Variants in RBPJ observed in about 807,000 individuals in gnomAD.
RBPJ encodes recombining binding protein suppressor of hairless.
A neutral mutation model predicts 67.8 loss-of-function variants in RBPJ; 9 were observed. That is an observed-to-expected ratio of 0.13 (90% CI 0.08 to 0.23). RBPJ has a LOEUF of 0.23. Among genes scored for constraint, RBPJ ranks in the 10% least tolerant of loss-of-function variants. The probability of loss-of-function intolerance (pLI) is 1.00; values close to 1 mark genes in which losing one functional copy is unlikely to be tolerated. For synonymous variants in RBPJ, 198 were observed against 203.3 expected (o/e 0.97, Z 0.22); for missense variants, 305 against 595.6 (o/e 0.51, Z 5.08).
upstream of RBPJ, among the ~76,000 whole-genome samples, chr4:26,158,945 T>TTCTCTCTCTCTCTCTCTCTC (rs5856933): frequency 2.8e-4 from 39 of 136,842 alleles, no homozygotes; most frequent in East Asian, 1.1e-3. Context: ...CTCTCTCTCT[T>TTCTCTCTCTCTCTCTCTCTC]TCTCTCTCTC....
At chr4:26,180,694 A>T (rs1232898869) in intron 1 of RBPJ, among the ~76,000 whole-genome samples, 1 of 152,214 alleles carries the variant, frequency 6.6e-6, no homozygotes, top group Non-Finnish European at 1.5e-5. Context: ...CAATGCATGA[A>T]TCTGGGGGGG....
chr4:26,361,892 T>C (rs1190778677), intron 1 of RBPJ, among the ~76,000 whole-genome samples: 1 of 152,208 alleles, frequency 6.6e-6, no homozygotes, highest in Non-Finnish European at 1.5e-5. Flanking sequence ...AATCAGAGAA[T>C]GGCGGTAAAA....
intron 1 of RBPJ, among the ~76,000 whole-genome samples, chr4:26,256,242 C>T (rs1720340234): frequency 6.6e-6 from 1 of 151,758 alleles, no homozygotes; most frequent in South Asian, 2.1e-4. Context: ...CACAGCCCCA[C>T]CCTGCCTTTG....
chr4:26,178,390 C>A (rs1577439574), intron 1 of RBPJ, among the ~76,000 whole-genome samples: 1 of 152,278 alleles, frequency 6.6e-6, no homozygotes, highest in Non-Finnish European at 1.5e-5. Context: ...AATCCCAGCA[C>A]TTTGGGAGGC....
the RBPJ span, among the ~76,000 whole-genome samples, chr4:26,109,666 C>A: frequency 0.043 from 1,994 of 46,622 alleles, 299 homozygotes; most frequent in East Asian, 0.19. Context: ...CTCTCTCTCT[C>A]TCTATATATA....
intron 3 of RBPJ, among the ~76,000 whole-genome samples, chr4:26,407,887 T>TTTC (rs1733607282): frequency 3.0e-4 from 8 of 26,744 alleles, no homozygotes; most frequent in African/African-American, 9.3e-4. Flanking sequence ...TTCTTTCTTT[T>TTTC]TTTTTTTTTT....
the RBPJ span, among the ~76,000 whole-genome samples, chr4:26,149,994 G>C: frequency 6.6e-6 from 1 of 152,266 alleles, no homozygotes; most frequent in East Asian, 1.9e-4. Context: ...AAAAACTCCT[G>C]CACACTGTAA....
intron 1 of RBPJ, among the ~76,000 whole-genome samples, chr4:26,234,187 A>T (rs1719379558): frequency 6.6e-6 from 1 of 152,248 alleles, no homozygotes; most frequent in South Asian, 2.1e-4. Context: ...ATTCTAAGTC[A>T]TTTAGAATAT....
chr4:26,282,054 T>A (rs1056820812), intron 1 of RBPJ, among the ~76,000 whole-genome samples: 3 of 152,200 alleles, frequency 2.0e-5, no homozygotes, highest in Admixed American at 6.5e-5. Context: ...TATGTATGTG[T>A]TTATCTAGGA....
chr4:26,150,743 C>A, the RBPJ span, among the ~76,000 whole-genome samples: 1 of 152,252 alleles, frequency 6.6e-6, no homozygotes, highest in South Asian at 2.1e-4. Flanking sequence ...ACACAGAACA[C>A]AAAGCAGGAG....
At chr4:26,224,299 G>A (rs556570499) in intron 1 of RBPJ, among the ~76,000 whole-genome samples, 2 of 152,058 alleles carry the variant, frequency 1.3e-5, no homozygotes, top group Admixed American at 6.6e-5. Context: ...GCACAATCTC[G>A]GCTCACTGCA....
At chr4:26,117,132 G>A in the RBPJ span, among the ~76,000 whole-genome samples, 1 of 152,154 alleles carries the variant, frequency 6.6e-6, no homozygotes, top group Non-Finnish European at 1.5e-5. Flanking sequence ...GATTTTTTAA[G>A]TGAAGGGCTA....
intron 4 of RBPJ, 86 bp from the exon 5 acceptor site, chr4:26,420,465 A>G: frequency 1.2e-6 from 1 of 837,990 alleles, no homozygotes; most frequent in Non-Finnish European, 1.7e-6. Flanking sequence ...TTTACTTATT[A>G]CTTAAACCAT....
chr4:26,397,972 TA>T (rs1253577089), intron 2 of RBPJ, among the ~76,000 whole-genome samples: 2 of 152,066 alleles, frequency 1.3e-5, no homozygotes, highest in African/African-American at 4.8e-5. Flanking sequence ...GCTTAGCTCC[TA>T]GGGGGCACAA....
At chr4:26,174,130 A>G (rs533023587) in intron 1 of RBPJ, among the ~76,000 whole-genome samples, 1 of 152,332 alleles carries the variant, frequency 6.6e-6, no homozygotes, top group African/African-American at 2.4e-5. Flanking sequence ...CCGTGGTATC[A>G]ACACCTGTGT....
At chr4:26,199,288 C>A (rs1475047555) in intron 1 of RBPJ, among the ~76,000 whole-genome samples, 1 of 152,086 alleles carries the variant, frequency 6.6e-6, no homozygotes, top group African/African-American at 2.4e-5. Flanking sequence ...TACTAAAATA[C>A]AAAAAATTAG....
chr4:26,362,151 C>A (rs1271187711), intron 1 of RBPJ, among the ~76,000 whole-genome samples: 1 of 152,152 alleles, frequency 6.6e-6, no homozygotes, highest in Non-Finnish European at 1.5e-5. Context: ...AGAAGCAGAC[C>A]TAGCACCTAG....
intron 1 of RBPJ, among the ~76,000 whole-genome samples, chr4:26,219,834 G>T (rs1010794539): frequency 6.6e-6 from 1 of 151,994 alleles, no homozygotes; most frequent in Admixed American, 6.6e-5. Context: ...GGAGTGCAGT[G>T]GCACAATCTC....
At chr4:26,215,396 AG>A (rs1718679466) in intron 1 of RBPJ, among the ~76,000 whole-genome samples, 1 of 29,736 alleles carries the variant, frequency 3.4e-5, no homozygotes, top group Non-Finnish European at 5.3e-5. Flanking sequence ...GGAGAGAGGA[AG>A]GAAGGGGGGG....
Sources: allele counts gnomAD v4.1 joint callset (sites outside exome capture counted in the v4.1 genomes callset), GRCh38; gene constraint gnomAD v4.1.1; transcripts MANE v1.5; gene names NCBI Gene and HGNC (gene_info 2026-07-23, HGNC 2026-07-21).